GSK3B: variants seen among roughly 807,000 people sequenced by gnomAD.
GSK3B encodes the protein glycogen synthase kinase 3 beta.
In GSK3B, 15 loss-of-function variants were observed where a neutral mutation model predicts 56.4. The ratio of observed to expected loss-of-function variants is 0.27; its 90% confidence interval spans 0.18 to 0.41. GSK3B has a LOEUF of 0.41. GSK3B is among the 10% of genes least tolerant of loss of function. The pLI is 1.00. For missense variants in GSK3B, 300 were observed against 513.4 expected, an observed-to-expected ratio of 0.58 and a Z score of 4.02; for synonymous variants, 181 against 188.9, an observed-to-expected ratio of 0.96 and a Z score of 0.34.
intron 10 of GSK3B, among the ~76,000 whole-genome samples, chr3:119,831,742 G>C (rs1168968951): frequency 6.6e-6 from 1 of 152,116 alleles, no homozygotes; most frequent in African/African-American, 2.4e-5. Flanking sequence ...TCAGTATGGG[G>C]TGTACAGAGA....
intron 9 of GSK3B, among the ~76,000 whole-genome samples, chr3:119,856,061 A>T (rs1424626204): frequency 1.3e-5 from 2 of 152,150 alleles, no homozygotes; most frequent in Non-Finnish European, 2.9e-5. Context: ...TCTCAATCCT[A>T]TTGTGGTCTA....
chr3:119,997,208 A>C (rs2057627822), intron 2 of GSK3B, among the ~76,000 whole-genome samples: 1 of 152,246 alleles, frequency 6.6e-6, no homozygotes, highest in Non-Finnish European at 1.5e-5. Context: ...AAAGGGCCTC[A>C]GCACATTAAA....
rs531073127 is a variant in GSK3B at position 119,965,931 on chromosome 3, GT to G, written c.283-18581del. ...GTTATCTATCATAAACAGTTACTATGTTTATAAATCTTGTAGGTTCTCTAAG... is the reference window on the plus strand; with the variant it reads ...GTTATCTATCATAAACAGTTACTATGTTATAAATCTTGTAGGTTCTCTAAG... On this transcript the variant is annotated intron_variant, in intron 2 of 10. Transcript: ENST00000264235. 7.9e-5 allele frequency among the ~76,000 whole-genome samples: 12 copies of G among 152,228 alleles called. No homozygotes were observed. The East Asian group carries it at 2.1e-3, about 27-fold the overall frequency.
chr3:119,981,613 G>T (rs966704379), intron 2 of GSK3B, among the ~76,000 whole-genome samples: 2 of 152,368 alleles, frequency 1.3e-5, no homozygotes, highest in South Asian at 2.1e-4. Flanking sequence ...GTCTGAGATC[G>T]ATCTGTCAGG....
intron 4 of GSK3B, among the ~76,000 whole-genome samples, chr3:119,922,909 A>T (rs1288013066): frequency 6.6e-6 from 1 of 152,162 alleles, no homozygotes; most frequent in East Asian, 1.9e-4. Context: ...CAAAAAATAA[A>T]CAACACCCAA....
At chr3:119,972,536 C>G (rs1474262486) in intron 2 of GSK3B, among the ~76,000 whole-genome samples, 1 of 152,102 alleles carries the variant, frequency 6.6e-6, no homozygotes, top group Admixed American at 6.6e-5. Context: ...CCCAGGTTCA[C>G]GCCACCCTCC....
chr3:119,978,691 T>C (rs1388689701), intron 2 of GSK3B, among the ~76,000 whole-genome samples: 4 of 151,850 alleles, frequency 2.6e-5, no homozygotes, highest in Non-Finnish European at 5.9e-5. Context: ...CCTCTCTCTC[T>C]CTCCCTCGTG....
intron 2 of GSK3B, among the ~76,000 whole-genome samples, chr3:119,968,997 A>C (rs2107513311): frequency 6.6e-6 from 1 of 152,296 alleles, no homozygotes; most frequent in Admixed American, 6.5e-5. Flanking sequence ...TATGTACAAG[A>C]TCTATATCAT....
At chr3:119,880,283 A>G (rs1052124020) in intron 7 of GSK3B, among the ~76,000 whole-genome samples, 1 of 152,174 alleles carries the variant, frequency 6.6e-6, no homozygotes, top group African/African-American at 2.4e-5. Flanking sequence ...AATAATGTCT[A>G]TTCAGATCTT....
chr3:119,940,869 C>T (rs1484575407), intron 3 of GSK3B, among the ~76,000 whole-genome samples: 1 of 152,168 alleles, frequency 6.6e-6, no homozygotes, highest in Non-Finnish European at 1.5e-5. Flanking sequence ...AACTTCTCTC[C>T]ATCTCCTCTT....
chr3:119,841,153 G>C (rs2055765443), intron 10 of GSK3B, among the ~76,000 whole-genome samples: 1 of 152,056 alleles, frequency 6.6e-6, no homozygotes, highest in Non-Finnish European at 1.5e-5. Context: ...TTCAATGTCA[G>C]TTTCTATTTT....
chr3:120,046,627 A>T (rs2058105992), intron 1 of GSK3B, among the ~76,000 whole-genome samples: 1 of 152,108 alleles, frequency 6.6e-6, no homozygotes. Flanking sequence ...ATTTATTTTG[A>T]GACAGCGTCT....
intron 10 of GSK3B, among the ~76,000 whole-genome samples, chr3:119,833,690 GTTT>G (rs902919136): frequency 1.3e-5 from 1 of 75,782 alleles, no homozygotes. Context: ...ACATTAGGTT[GTTT>G]TTTTTTTTTT....
At chr3:120,078,542 C>T (rs2058385754) in intron 1 of GSK3B, among the ~76,000 whole-genome samples, 1 of 146,442 alleles carries the variant, frequency 6.8e-6, no homozygotes. Context: ...TAGAACTTCT[C>T]CTCTTTTTTT....
intron 1 of GSK3B, among the ~76,000 whole-genome samples, chr3:120,016,715 C>T (rs1230873734): frequency 3.9e-5 from 6 of 152,134 alleles, no homozygotes; most frequent in African/African-American, 1.4e-4. Context: ...TTTTTATCTT[C>T]TTGGTTTTAC....
intron 6 of GSK3B, among the ~76,000 whole-genome samples, chr3:119,907,227 C>A (rs1369263340): frequency 2.0e-5 from 3 of 151,964 alleles, no homozygotes; most frequent in African/African-American, 7.2e-5. Flanking sequence ...CAACTTTTTT[C>A]CTCTCTAATA....
At chr3:120,075,553 C>A (rs558459791) in intron 1 of GSK3B, among the ~76,000 whole-genome samples, 35 of 152,058 alleles carry the variant, frequency 2.3e-4, no homozygotes, top group African/African-American at 8.2e-4. Flanking sequence ...GATATAAAAT[C>A]AACATAAAAA....
chr3:119,842,153 T>C (rs771621950), intron 10 of GSK3B, among the ~76,000 whole-genome samples: 1 of 152,184 alleles, frequency 6.6e-6, no homozygotes, highest in Admixed American at 6.5e-5. Context: ...CTTAAAACTT[T>C]TAAGTTTTAA....
chr3:119,993,033 GA>G (rs199737858), intron 2 of GSK3B, among the ~76,000 whole-genome samples: 6,140 of 119,152 alleles, frequency 0.052, 289 homozygotes, highest in Admixed American at 0.15. Context: ...TAAAAAGGAT[GA>G]AAAAAAAAAA....
Sources: gnomAD v4.1 joint callset for allele counts (sites outside exome capture counted in the v4.1 genomes callset) on GRCh38, gnomAD v4.1.1 for gene constraint, MANE v1.5 for transcripts, NCBI Gene and HGNC (gene_info 2026-07-23, HGNC 2026-07-21) for gene names.